The following TRAF7 variants were observed in gnomAD, a reference collection of about 807,000 sequenced individuals.
The protein encoded by TRAF7 is TNF receptor associated factor 7.
In TRAF7, 45 loss-of-function variants were observed where a neutral mutation model predicts 89.3. That is an observed-to-expected ratio of 0.50 (90% CI 0.40 to 0.65). The LOEUF (loss-of-function observed/expected upper bound fraction) is 0.65, where lower values mean the gene tolerates loss of function less well. Ranked by LOEUF, TRAF7 falls within the 30% of genes least tolerant of loss-of-function variation. TRAF7 has a pLI of 0.00. For missense variants in TRAF7, 677 were observed against 918.1 expected, an observed-to-expected ratio of 0.74 and a Z score of 3.39; for synonymous variants, 406 against 369.2, an observed-to-expected ratio of 1.10 and a Z score of -1.14.
At position 2,168,414 on chromosome 16, in the gene TRAF7, A is replaced by T; in HGVS notation, c.231+246A>T. On this transcript the variant is annotated intron_variant, in intron 4 of 20. Transcript: ENST00000326181. This position sits in a 1 kb window ranked among gnomAD's most constrained non-coding sequence, Gnocchi z 4.1. ...CTGGGTCAGAGGGCCTGGCACCTGCAGGCCAGGATGAGGCATATTTGGCTC... is the reference window on the plus strand; with the variant it reads ...CTGGGTCAGAGGGCCTGGCACCTGCTGGCCAGGATGAGGCATATTTGGCTC... The T allele has an allele frequency of 2.0e-6, 1 of 490,024 alleles. No individual in the cohort carries two copies. Among genetic ancestry groups the T allele is most frequent in the South Asian group, 2.4e-5 (1 of 41,734 alleles). 30.4% of individuals were successfully genotyped at this position (490,024 alleles called of 1,614,324 possible). A position where few individuals can be genotyped will look rare whatever the true frequency, so the allele number is the denominator to read the frequency against.
intron 7 of TRAF7, among the ~76,000 whole-genome samples, chr16:2,171,947 G>A (rs771674795): frequency 1.1e-4 from 16 of 152,154 alleles, no homozygotes; most frequent in Non-Finnish European, 1.2e-4. Flanking sequence ...CTGCCTCTCC[G>A]CACTCTGCCC....
chr16:2,176,159 A>G lies in TRAF7; in HGVS notation c.1857A>G (p.Ala619=), dbSNP rs1339262045. The change falls in exon 19 of 21, where the codon GCA becomes GCG. Residue 619 remains alanine (A), a synonymous_variant. Coordinates refer to ENST00000326181, the MANE Select transcript of TRAF7 (RefSeq NM_032271.3). ...STPDQTKVFS[A]SYDRSLRVWS... is the part of the protein sequence containing the mutation. Reference sequence around the variant, plus strand: ...CAGACCAGACCAAAGTCTTCAGTGCATCCTACGACCGGTCCCTCAGGGTGC... The same window carrying G: ...CAGACCAGACCAAAGTCTTCAGTGCGTCCTACGACCGGTCCCTCAGGGTGC... 1.9e-6 allele frequency: 3 copies of G among 1,608,258 alleles called. No homozygotes were observed. Among genetic ancestry groups the G allele is most frequent in the Middle Eastern group, 1.7e-4 (1 of 6,056 alleles).
chr16:2,176,512 G>A (rs752232338), intron 20 of TRAF7, 48 bp from the exon 21 acceptor site: 1 of 1,613,032 alleles, frequency 6.2e-7, no homozygotes, highest in Non-Finnish European at 8.5e-7. Context: ...GGCTGGGGCA[G>A]GGCAGCCGGC....
At chr16:2,170,236 T>A (rs919265583) in intron 4 of TRAF7, among the ~76,000 whole-genome samples, 10 of 152,284 alleles carry the variant, frequency 6.6e-5, no homozygotes, top group African/African-American at 2.4e-4. Flanking sequence ...CATCCTGCGG[T>A]CACGGCCTCG....
At position 2,170,635 on chromosome 16, in the gene TRAF7, C is replaced by T. The variant is rs768139800; in HGVS notation, c.253C>T (p.Arg85Cys). The change falls in exon 5 of 21, where the codon CGC becomes TGC. Residue 85 changes from arginine (R) to cysteine (C), a missense_variant. Around this residue, in one of 6 missense-constraint regions of TRAF7, gnomAD observed 240 missense variants for 191.9 expected, o/e 1.25. Coordinates refer to ENST00000326181, the MANE Select transcript of TRAF7 (RefSeq NM_032271.3). ...DSMPPISTPR[R>C]SDSAISVRSL... is the part of the protein sequence containing the mutation. Reference sequence around the variant, plus strand: ...ACAGCCCCCCATCAGCACTCCCCGCCGCTCCGACTCCGCCATCTCTGTCCG... The same window carrying T: ...ACAGCCCCCCATCAGCACTCCCCGCTGCTCCGACTCCGCCATCTCTGTCCG... 77 of 1,609,822 alleles carry T rather than the reference C, an allele frequency of 4.8e-5. No individual in the cohort carries two copies. The highest frequency in any genetic ancestry group is 6.7e-5 in the Admixed American group (4 of 59,934).
chr16:2,174,769 G>T (rs914710010), intron 14 of TRAF7, among the ~76,000 whole-genome samples: 1 of 152,226 alleles, frequency 6.6e-6, no homozygotes, highest in African/African-American at 2.4e-5. Flanking sequence ...CTTTGTGGGA[G>T]CGAGCAAGTA....
chr16:2,158,772 G>GGC lies in TRAF7; in HGVS notation c.-39+2915_-39+2916insCG, dbSNP rs1555465094. ...GACTGGGAAGCGTGGGCTCGGCGGG[G>GGC]GGGGGGGGGACACTGCCACCCTTGG... On this transcript the variant is annotated intron_variant, in intron 1 of 20. Transcript: ENST00000326181. This position sits in a 1 kb window ranked among gnomAD's most constrained non-coding sequence, Gnocchi z 4.7. 6.6e-6 allele frequency among the ~76,000 whole-genome samples: 1 copy of GGC among 150,904 alleles called. No individual in the cohort carries two copies. The highest frequency in any genetic ancestry group is 1.9e-4 in the East Asian group (1 of 5,132).
chr16:2,171,577 G>A lies in TRAF7; in HGVS notation c.447G>A (p.Thr149=), dbSNP rs762161563. ...CCCGCCCTTTGCCTCCACAGCACAC[G>A]TTCTGTAGGAGATGCGCCTTGAAGT... ...KDPVITTCGH[T]FCRRCALKSE... The change falls in exon 7 of 21, where the codon ACG becomes ACA. Residue 149 remains threonine (T), a synonymous_variant. Transcript: ENST00000326181. 5.6e-6 allele frequency: 9 copies of A among 1,613,218 alleles called. No homozygotes were observed. The East Asian group carries it at 8.9e-5, about 16-fold the overall frequency.
chr16:2,170,588 C>A, intron 4 of TRAF7, 26 bp from the exon 5 acceptor site: 2 of 1,589,522 alleles, frequency 1.3e-6, no homozygotes, highest in East Asian at 2.3e-5. Flanking sequence ...CGGAGCCCCC[C>A]GACAGGCGCC....
rs550709720 is a variant in TRAF7, at chr16:2,165,710, G to A, written c.82-169G>A. 413 of 716,092 alleles carry A rather than the reference G, an allele frequency of 5.8e-4. 1 individual carries two copies. Among genetic ancestry groups the A allele is most frequent in the African/African-American group, 2.6e-3 (143 of 55,756 alleles). The allele number at this position is 716,092 out of a possible 1,614,324, so 44.4% of individuals were successfully genotyped here. On this transcript the variant is annotated intron_variant, in intron 2 of 20. Transcript: ENST00000326181. ...TAGCGCTGCGTGGCGCGGCCTGGTC[G>A]CATGATTAAGCGTGTGAGTGCTGCG...
At chr16:2,175,209 G>C in intron 15 of TRAF7, 59 bp downstream of exon 15, 5 of 1,612,878 alleles carry the variant, frequency 3.1e-6, no homozygotes, top group Non-Finnish European at 4.2e-6. Context: ...CCAGTCTGTA[G>C]GTGCCCCAGG....
rs762161563 is a variant in TRAF7 at position 2,171,577 on chromosome 16, G to C, written c.447G>C (p.Thr149=). 6.2e-7 allele frequency: 1 copy of C among 1,613,336 alleles called. No individual in the cohort carries two copies. The highest frequency in any genetic ancestry group is 8.5e-7 in the Non-Finnish European group (1 of 1,179,916). Residue 149 remains threonine, a synonymous_variant, in exon 7 of 21, where the codon ACG becomes ACC. Coordinates refer to ENST00000326181, the MANE Select transcript of TRAF7 (RefSeq NM_032271.3). ...CCCGCCCTTTGCCTCCACAGCACAC[G>C]TTCTGTAGGAGATGCGCCTTGAAGT... ...KDPVITTCGH[T]FCRRCALKSE...
At chr16:2,170,378 G>A (rs1219025675) in intron 4 of TRAF7, among the ~76,000 whole-genome samples, 7 of 152,254 alleles carry the variant, frequency 4.6e-5, no homozygotes, top group South Asian at 4.1e-4. Flanking sequence ...GGTGGCAGGC[G>A]TGAGCGGGCA....
At chr16:2,171,834 C>T (rs903926878) in intron 7 of TRAF7, among the ~76,000 whole-genome samples, 1 of 152,220 alleles carries the variant, frequency 6.6e-6, no homozygotes, top group African/African-American at 2.4e-5. Flanking sequence ...AGAGACCCCA[C>T]AGTGGGTGTG....
At position 2,168,930 on chromosome 16, in the gene TRAF7, G is replaced by A. The variant is rs1156423562; in HGVS notation, c.231+762G>A. Among the ~76,000 whole-genome samples the A allele has an allele frequency of 6.6e-6, 1 of 152,188 alleles. No homozygotes were observed. Among genetic ancestry groups the A allele is most frequent in the Non-Finnish European group, 1.5e-5 (1 of 68,030 alleles). On this transcript the variant is annotated intron_variant, in intron 4 of 20. Transcript: ENST00000326181. The surrounding 1 kb of genome is among the most constrained non-coding windows in gnomAD (Gnocchi z 4.1). ...GGCAGCTGCCTCTCTCCAGTGCTTG[G>A]ACACCAGGTGTGGCGGCCCTGCTGG... is the stretch of plus-strand genomic sequence containing the variant.
intron 1 of TRAF7, among the ~76,000 whole-genome samples, chr16:2,160,765 G>A (rs1410851907): frequency 2.0e-5 from 3 of 152,104 alleles, no homozygotes; most frequent in African/African-American, 7.2e-5. Context: ...AATTGAAGGG[G>A]AATTCTCACT....
chr16:2,166,130 T>C lies in TRAF7; in HGVS notation c.139+194T>C, dbSNP rs146705232. On this transcript the variant is annotated intron_variant, in intron 3 of 20. Coordinates refer to ENST00000326181, the MANE Select transcript of TRAF7 (RefSeq NM_032271.3). ...GCCTCCCCACTGGACAGGAGTCGGGTGTCCTGCTCCTTGTGCCTCGGTGAC... is the reference window on the plus strand; with the variant it reads ...GCCTCCCCACTGGACAGGAGTCGGGCGTCCTGCTCCTTGTGCCTCGGTGAC... 2.8e-3 allele frequency among the ~76,000 whole-genome samples: 423 copies of C among 152,292 alleles called. 2 individuals carry two copies. Among genetic ancestry groups the C allele is most frequent in the African/African-American group, 9.7e-3 (404 of 41,564 alleles).
intron 4 of TRAF7, among the ~76,000 whole-genome samples, chr16:2,169,016 G>A (rs917303683): frequency 6.6e-6 from 1 of 151,836 alleles, no homozygotes; most frequent in Non-Finnish European, 1.5e-5. Context: ...ACGGACTTTT[G>A]CTCTTGCTGC....
chr16:2,160,143 GA>G (rs2093051674), intron 1 of TRAF7, among the ~76,000 whole-genome samples: 2 of 152,060 alleles, frequency 1.3e-5, no homozygotes, highest in Non-Finnish European at 2.9e-5. Context: ...CAGGGCCCCG[GA>G]ATCCCTCCTA....
Sources: allele counts gnomAD v4.1 joint callset (sites outside exome capture counted in the v4.1 genomes callset), GRCh38; gene constraint gnomAD v4.1.1; regional missense constraint gnomAD v4.1.1; non-coding constraint Gnocchi (gnomAD v3.1); transcripts MANE v1.5; gene names NCBI Gene and HGNC (gene_info 2026-07-23, HGNC 2026-07-21).